CSMD1: variants seen among roughly 807,000 people sequenced by gnomAD.
The protein encoded by CSMD1 is CUB and Sushi multiple domains 1, also known as CUB and sushi domain-containing protein 1.
In CSMD1, 213 loss-of-function variants were observed where a neutral mutation model predicts 417.5. The ratio of observed to expected loss-of-function variants is 0.51; its 90% CI spans 0.46 to 0.57. CSMD1 has a LOEUF of 0.57. Ranked by LOEUF, CSMD1 falls within the 20% of genes least tolerant of loss-of-function variation. The pLI is 0.00. For missense variants in CSMD1, 6,923 were observed against 4,529.7 expected, an observed-to-expected ratio of 1.53 and a Z score of -15.17; for synonymous variants, 2,862 against 1,736.8, an observed-to-expected ratio of 1.65 and a Z score of -16.11.
chr8:3,698,117 C>T (rs2251850), intron 7 of CSMD1, among the ~76,000 whole-genome samples: 19,502 of 152,046 alleles, frequency 0.13, 1,591 homozygotes, highest in African/African-American at 0.24. Flanking sequence ...TCTTGTTTTG[C>T]TTCTAGTTCC....
chr8:4,685,210 C>A (rs187483345), intron 1 of CSMD1, among the ~76,000 whole-genome samples: 1 of 152,110 alleles, frequency 6.6e-6, no homozygotes. Flanking sequence ...GAATAATGGC[C>A]GTAAACAAAG....
rs559077531 is a variant in CSMD1, at chr8:3,665,228, T to C, written c.1009+43186A>G. On this transcript the variant is annotated intron_variant, in intron 7 of 69. Transcript: ENST00000635120. ...TGATATATTGTTTTGCTAAATAAAATATAATTTGTCAGCCAGGCACAGTGG... is the reference window on the plus strand; with the variant it reads ...TGATATATTGTTTTGCTAAATAAAACATAATTTGTCAGCCAGGCACAGTGG... Among the ~76,000 whole-genome samples the C allele has an allele frequency of 9.2e-5, 14 of 152,246 alleles. No individual in the cohort carries two copies. The East Asian group carries it at 2.7e-3, about 29-fold the overall frequency.
At chr8:2,960,939 GATATATATATATATATATATATATATAC>G (rs1803407178) in intron 62 of CSMD1, among the ~76,000 whole-genome samples, 174 bp downstream of exon 62, 1 of 122,040 alleles carries the variant, frequency 8.2e-6, no homozygotes, top group Non-Finnish European at 1.7e-5. Context: ...TAGTAAGCAA[GATATATATATATATATATATATATATAC>G]ATATATTGAT....
intron 26 of CSMD1, among the ~76,000 whole-genome samples, chr8:3,267,165 G>A (rs1056810986): frequency 2.0e-5 from 3 of 152,152 alleles, no homozygotes; most frequent in South Asian, 2.1e-4. Flanking sequence ...GTCTGCTGGA[G>A]GACCACCACT....
chr8:4,076,017 A>G (rs1799802614), intron 3 of CSMD1, among the ~76,000 whole-genome samples: 1 of 152,156 alleles, frequency 6.6e-6, no homozygotes. Context: ...GGATATTTTA[A>G]TTCCTATAAA....
chr8:4,609,135 C>G (rs1223540709), intron 2 of CSMD1, among the ~76,000 whole-genome samples: 3 of 152,178 alleles, frequency 2.0e-5, no homozygotes, highest in Non-Finnish European at 4.4e-5. Context: ...TGCGCTGGCT[C>G]ATGCATGTAA....
chr8:4,933,554 C>A (rs570250556), intron 1 of CSMD1, among the ~76,000 whole-genome samples: 1 of 152,302 alleles, frequency 6.6e-6, no homozygotes, highest in South Asian at 2.1e-4. Context: ...CGAAAAGTAG[C>A]ACTTTGATAC....
intron 5 of CSMD1, among the ~76,000 whole-genome samples, chr8:3,958,173 A>C (rs1812092299): frequency 6.6e-6 from 1 of 152,198 alleles, no homozygotes; most frequent in Admixed American, 6.5e-5. Context: ...AAGCAAATGA[A>C]ATTATTATTT....
intron 3 of CSMD1, among the ~76,000 whole-genome samples, chr8:4,257,389 T>A (rs1482421303): frequency 6.6e-6 from 1 of 151,990 alleles, no homozygotes; most frequent in Non-Finnish European, 1.5e-5. Context: ...ATTACCATTT[T>A]TCTTCATCTC....
chr8:4,819,337 A>T (rs945616492), intron 1 of CSMD1, among the ~76,000 whole-genome samples: 2 of 152,180 alleles, frequency 1.3e-5, no homozygotes, highest in African/African-American at 4.8e-5. Context: ...ATATTCACAT[A>T]GGGAATATGT....
At chr8:4,596,172 A>G (rs1800264573) in intron 2 of CSMD1, among the ~76,000 whole-genome samples, 2 of 152,174 alleles carry the variant, frequency 1.3e-5, no homozygotes, top group African/African-American at 4.8e-5. Flanking sequence ...CTGGAATAAT[A>G]TATACCCACT....
intron 1 of CSMD1, among the ~76,000 whole-genome samples, chr8:4,980,827 C>A (rs894352044): frequency 6.6e-6 from 1 of 151,882 alleles, no homozygotes; most frequent in African/African-American, 2.4e-5. Flanking sequence ...TCACTTGATC[C>A]CAGGAAGTTG....
intron 2 of CSMD1, among the ~76,000 whole-genome samples, chr8:4,606,726 G>T (rs147680983): frequency 6.6e-6 from 1 of 152,128 alleles, no homozygotes; most frequent in East Asian, 1.9e-4. Flanking sequence ...GTTTGATAAA[G>T]ACCTTTTTCT....
rs749316593 is a variant in CSMD1, at chr8:3,308,364, G to C, written c.3771C>G (p.Thr1257=). ...ACACTCTCCTGTCTCCACTCAAACA[G>C]GTCAGGGTGTTGCTGCCATGCATGG... The part of the protein sequence containing the change: ...GYAMHGSNTL[T]CLSGDRRVWD... The change falls in exon 24 of 70, where the codon ACC becomes ACG. Residue 1257 remains threonine, a synonymous_variant. Coordinates refer to ENST00000635120, the MANE Select transcript of CSMD1 (RefSeq NM_033225.6). The C allele has an allele frequency of 1.9e-6, 3 of 1,613,782 alleles. No homozygotes were observed. The highest frequency in any genetic ancestry group is 1.7e-6 in the Non-Finnish European group (2 of 1,179,766).
At chr8:3,698,649 G>A (rs986324919) in intron 7 of CSMD1, among the ~76,000 whole-genome samples, 1 of 152,136 alleles carries the variant, frequency 6.6e-6, no homozygotes, top group Non-Finnish European at 1.5e-5. Context: ...ATGATGAGAG[G>A]CATTTCTGGC....
intron 3 of CSMD1, among the ~76,000 whole-genome samples, chr8:4,371,207 G>A (rs1802375240): frequency 6.6e-6 from 1 of 152,136 alleles, no homozygotes; most frequent in Non-Finnish European, 1.5e-5. Context: ...GCTCCACACT[G>A]CTGGGCTACA....
intron 3 of CSMD1, among the ~76,000 whole-genome samples, chr8:4,180,261 G>C (rs1798285033): frequency 2.0e-5 from 3 of 152,078 alleles, no homozygotes; most frequent in South Asian, 4.2e-4. Flanking sequence ...AAAATGATGA[G>C]TTCATGTCCT....
intron 40 of CSMD1, among the ~76,000 whole-genome samples, chr8:3,145,009 A>C (rs1002261781): frequency 1.3e-5 from 2 of 151,968 alleles, no homozygotes; most frequent in African/African-American, 4.8e-5. Context: ...ATAAGAATGA[A>C]TCTTGTTACT....
rs769380371 is a variant in CSMD1, at chr8:3,399,440, A to T, written c.2356T>A (p.Trp786Arg). Residue 786 changes from tryptophan to arginine, a missense_variant, in exon 16 of 70, where the codon TGG becomes AGG. By Grantham distance (101) the Trp-to-Arg change is moderately radical (BLOSUM62 -3). Transcript: ENST00000635120. ...TGGCCTGGTTTTGCTTCAATTATCC[A>T]TTCACAATGTAAAGAATCCTTATAA... ...GYYKDSLHCE[W>R]IIEAKPGHSI... is the part of the protein sequence containing the mutation. 1 of 1,609,960 alleles carries T rather than the reference A, an allele frequency of 6.2e-7. No individual in the cohort carries two copies. Among genetic ancestry groups the T allele is most frequent in the Admixed American group, 1.7e-5 (1 of 59,376 alleles).
Sources: allele counts gnomAD v4.1 joint callset (sites outside exome capture counted in the v4.1 genomes callset), GRCh38; gene constraint gnomAD v4.1.1; transcripts MANE v1.5; gene names NCBI Gene and HGNC (gene_info 2026-07-23, HGNC 2026-07-21).